Variants in RIMS4 observed in about 807,000 individuals in gnomAD.
RIMS4 encodes regulating synaptic membrane exocytosis protein 4.
In RIMS4, 9 loss-of-function variants were observed where a neutral mutation model predicts 29.0. That is an observed-to-expected ratio of 0.31 (90% CI 0.19 to 0.54). The LOEUF (loss-of-function observed/expected upper bound fraction) is 0.54. RIMS4 is among the 20% of genes least tolerant of loss of function. RIMS4 has a pLI of 0.94. For missense variants in RIMS4, 193 were observed against 365.7 expected, an observed-to-expected ratio of 0.53 and a Z score of 3.85; for synonymous variants, 130 against 152.9, an observed-to-expected ratio of 0.85 and a Z score of 1.10.
intron 2 of RIMS4, among the ~76,000 whole-genome samples, chr20:44,764,121 TC>T (rs1246615638): frequency 1.3e-5 from 2 of 150,608 alleles, no homozygotes; most frequent in Non-Finnish European, 3.0e-5. Context: ...CATTTATCCA[TC>T]CATCCATCCA....
chr20:44,801,938 G>A (rs1472399512), intron 1 of RIMS4, among the ~76,000 whole-genome samples: 1 of 152,126 alleles, frequency 6.6e-6, no homozygotes, highest in Non-Finnish European at 1.5e-5. Flanking sequence ...CTCCAACCCA[G>A]TGGTTCTCAA....
chr20:44,772,545 G>A (rs1287612521), intron 1 of RIMS4, among the ~76,000 whole-genome samples: 2 of 152,210 alleles, frequency 1.3e-5, no homozygotes, highest in Admixed American at 6.5e-5. Flanking sequence ...CAGGAGGCAC[G>A]GAGAGGTCAG....
At position 44,755,360 on chromosome 20, in the gene RIMS4, A is replaced by G. The variant is rs2066054630; in HGVS notation, c.*774T>C. The G allele has an allele frequency of 6.6e-6, 1 of 152,600 alleles. No individual in the cohort carries two copies. The highest frequency in any genetic ancestry group is 1.5e-5 in the Non-Finnish European group (1 of 68,094). The allele number at this position is 152,600 out of a possible 1,614,324, so 9.5% of individuals were successfully genotyped here. On this transcript the variant is annotated 3_prime_UTR_variant, in exon 6 of 6. Transcript: ENST00000372851. Reference sequence around the variant, plus strand: ...GAAACTCAGGTTCCACAGCTCCTCCACCGGAACACAGACGACAACATTCTT... The same window carrying G: ...GAAACTCAGGTTCCACAGCTCCTCCGCCGGAACACAGACGACAACATTCTT...
chr20:44,772,513 C>A (rs1361850587), intron 1 of RIMS4, among the ~76,000 whole-genome samples: 1 of 152,190 alleles, frequency 6.6e-6, no homozygotes, highest in African/African-American at 2.4e-5. Context: ...TGCTGCTGTT[C>A]ACCCCCATCC....
chr20:44,763,563 G>A (rs564839577), intron 2 of RIMS4, among the ~76,000 whole-genome samples: 7 of 152,256 alleles, frequency 4.6e-5, no homozygotes, highest in East Asian at 1.9e-4. Context: ...TTCCAGGGAC[G>A]TGTGCCACTT....
intron 1 of RIMS4, among the ~76,000 whole-genome samples, chr20:44,803,851 T>A (rs1190968598): frequency 6.6e-6 from 1 of 152,176 alleles, no homozygotes; most frequent in Non-Finnish European, 1.5e-5. Context: ...GAGGGCCAAC[T>A]GTGATAGGGA....
chr20:44,797,640 T>C (rs1568906391), intron 1 of RIMS4, among the ~76,000 whole-genome samples: 1 of 152,170 alleles, frequency 6.6e-6, no homozygotes, highest in African/African-American at 2.4e-5. Flanking sequence ...CTTGATTCCT[T>C]GTGTCAGGCT....
intron 1 of RIMS4, among the ~76,000 whole-genome samples, chr20:44,799,242 A>G (rs1312514869): frequency 1.3e-5 from 2 of 152,060 alleles, no homozygotes; most frequent in African/African-American, 4.8e-5. Context: ...GGCAGAGGTT[A>G]CAGTGACCTG....
At chr20:44,779,783 G>C (rs548373986) in intron 1 of RIMS4, among the ~76,000 whole-genome samples, 1 of 152,258 alleles carries the variant, frequency 6.6e-6, no homozygotes, top group South Asian at 2.1e-4. Context: ...CAGCTGCTGG[G>C]TTACAGGGTA....
Position 44,781,122 on chromosome 20 carries a change from G to A in RIMS4, c.98-9709C>T, listed in dbSNP as rs181228258. ...TTAAGAAACTTACAGGTAGTAGAGT[G>A]TGGGGGGGACATGAAACAGATAAGT... is the stretch of plus-strand genomic sequence containing the variant. On this transcript the variant is annotated intron_variant, in intron 1 of 5. Coordinates refer to ENST00000372851, the MANE Select transcript of RIMS4 (RefSeq NM_182970.4). Among the ~76,000 whole-genome samples, 17 of 151,860 alleles carry A rather than the reference G, an allele frequency of 1.1e-4. No homozygotes were observed. In the East Asian group the frequency reaches 3.3e-3, roughly 29 times the overall value.
intron 1 of RIMS4, among the ~76,000 whole-genome samples, chr20:44,790,023 C>T (rs536749280): frequency 7.9e-5 from 12 of 152,384 alleles, no homozygotes; most frequent in Non-Finnish European, 1.6e-4. Flanking sequence ...GGGAACTGAG[C>T]TGTGGTCCCC....
At chr20:44,804,648 C>T (rs941620896) in intron 1 of RIMS4, among the ~76,000 whole-genome samples, 7 of 152,192 alleles carry the variant, frequency 4.6e-5, no homozygotes, top group Non-Finnish European at 1.0e-4. Flanking sequence ...CCGCATCTCT[C>T]CCTTCACCCC....
chr20:44,787,697 GAA>G (rs74852845), intron 1 of RIMS4, among the ~76,000 whole-genome samples: 6 of 123,790 alleles, frequency 4.8e-5, no homozygotes, highest in African/African-American at 5.9e-5. Context: ...TTTTCTCCAG[GAA>G]AAAAAAAAAA....
At chr20:44,807,264 G>A (rs942338027) in intron 1 of RIMS4, among the ~76,000 whole-genome samples, 2 of 152,200 alleles carry the variant, frequency 1.3e-5, no homozygotes, top group Non-Finnish European at 2.9e-5. Context: ...CTAGAAAGAG[G>A]TGTGAAGAAG....
At position 44,756,442 on chromosome 20, in the gene RIMS4, G is replaced by A; in HGVS notation, c.592-90C>T. 1 of 1,029,770 alleles carries A rather than the reference G, an allele frequency of 9.7e-7. No individual in the cohort carries two copies. The highest frequency in any genetic ancestry group is 1.5e-6 in the Non-Finnish European group (1 of 688,752). 63.8% of individuals were successfully genotyped at this position (1,029,770 alleles called of 1,614,324 possible). On this transcript the variant is annotated intron_variant, in intron 5 of 5. Transcript: ENST00000372851. The surrounding 1 kb of genome is among the most constrained non-coding windows in gnomAD (Gnocchi z 5.9). ...CCTGGGTCGCCCCATGCCCAATCCA[G>A]CTCAGTCCTGTGATTTCTACCTCCT...
At chr20:44,762,787 C>T (rs1013420211) in intron 2 of RIMS4, among the ~76,000 whole-genome samples, 1 of 152,158 alleles carries the variant, frequency 6.6e-6, no homozygotes, top group African/African-American at 2.4e-5. Context: ...GCCAGAAATC[C>T]AACTGCGGGT....
In RIMS4 at chr20:44,753,843, T is replaced by C. The variant is rs1310763442; in HGVS notation, c.*2291A>G. 1.3e-5 allele frequency: 2 copies of C among 152,656 alleles called. 1 individual carries two copies. The highest frequency in any genetic ancestry group is 2.9e-5 in the Non-Finnish European group (2 of 68,100). 9.5% of individuals were successfully genotyped at this position (152,656 alleles called of 1,614,324 possible). On this transcript the variant is annotated 3_prime_UTR_variant, in exon 6 of 6. Coordinates refer to ENST00000372851, the MANE Select transcript of RIMS4 (RefSeq NM_182970.4). Reference sequence around the variant, plus strand: ...TTTCACAGAACAAACAAGAAAATCATTGAGGGGGCCCTCACTGACCACCCC... The same window carrying C: ...TTTCACAGAACAAACAAGAAAATCACTGAGGGGGCCCTCACTGACCACCCC...
chr20:44,770,846 C>A (rs2066134059), intron 2 of RIMS4, among the ~76,000 whole-genome samples: 1 of 152,132 alleles, frequency 6.6e-6, no homozygotes, highest in Non-Finnish European at 1.5e-5. Flanking sequence ...CCTTTCTACC[C>A]CTCCTTTATT....
intron 2 of RIMS4, among the ~76,000 whole-genome samples, chr20:44,767,148 A>G (rs1208436489): frequency 6.6e-6 from 1 of 152,178 alleles, no homozygotes; most frequent in African/African-American, 2.4e-5. Flanking sequence ...ATCACCTCCC[A>G]GGTGAATCAC....
Sources: allele counts gnomAD v4.1 joint callset (sites outside exome capture counted in the v4.1 genomes callset), GRCh38; gene constraint gnomAD v4.1.1; non-coding constraint Gnocchi (gnomAD v3.1); transcripts MANE v1.5; gene names NCBI Gene and HGNC (gene_info 2026-07-23, HGNC 2026-07-21).